The following C5 variants were observed in gnomAD, a reference collection of about 807,000 sequenced individuals.
C5 encodes the protein complement C5.
In C5, 140 loss-of-function variants were observed where a neutral mutation model predicts 218.8. That is an observed-to-expected ratio of 0.64 (90% CI 0.56 to 0.74). C5 has a LOEUF of 0.74. Ranked by LOEUF, C5 falls within the 30% of genes least tolerant of loss-of-function variation. The pLI is 0.00. For synonymous variants in C5, 614 were observed against 682.3 expected, an observed-to-expected ratio of 0.90 and a Z score of 1.56; for missense variants, 1,700 against 1,969.6, an observed-to-expected ratio of 0.86 and a Z score of 2.59.
At chr9:121,006,801 G>T (rs1297254997) in intron 19 of C5, 103 bp downstream of exon 19, 3 of 800,302 alleles carry the variant, frequency 3.7e-6, no homozygotes, top group Non-Finnish European at 6.4e-6. Flanking sequence ...TTTAAAAATT[G>T]CTACCATTTA....
At chr9:120,961,833 G>T (rs2046830014) in intron 36 of C5, among the ~76,000 whole-genome samples, 1 of 152,134 alleles carries the variant, frequency 6.6e-6, no homozygotes, top group African/African-American at 2.4e-5. Context: ...CTAAGTAAGA[G>T]GAAAATAAAT....
At chr9:121,024,572 C>A (rs2047403162) in intron 9 of C5, among the ~76,000 whole-genome samples, 1 of 152,058 alleles carries the variant, frequency 6.6e-6, no homozygotes, top group South Asian at 2.1e-4. Flanking sequence ...AAAGATTAAG[C>A]TTCACCATCT....
the C5 span, among the ~76,000 whole-genome samples, chr9:121,061,078 C>T: frequency 2.0e-5 from 3 of 152,186 alleles, no homozygotes; most frequent in South Asian, 2.1e-4. Flanking sequence ...ATCCTAGCTA[C>T]TCAGGAGGCT....
chr9:121,032,288 A>C (rs1044943131), intron 5 of C5, 93 bp from the exon 6 acceptor site: 132 of 739,262 alleles, frequency 1.8e-4, no homozygotes, highest in Admixed American at 2.3e-4. Context: ...TAAAGAGGGA[A>C]GAATACACAA....
chr9:121,022,858 G>GAA (rs532031512), intron 10 of C5, among the ~76,000 whole-genome samples: 1 of 151,646 alleles, frequency 6.6e-6, no homozygotes, highest in African/African-American at 2.4e-5. Flanking sequence ...AAAAAAGACA[G>GAA]AAAAAAAGAG....
chr9:121,031,995 G>A (rs1046238738), intron 6 of C5, 118 bp downstream of exon 6: 14 of 603,778 alleles, frequency 2.3e-5, no homozygotes, highest in South Asian at 6.1e-5. Context: ...CCCAGGAGGC[G>A]GAGGTTGCAG....
At chr9:120,971,908 T>C in intron 31 of C5, 22 bp downstream of exon 31, 1 of 1,568,076 alleles carries the variant, frequency 6.4e-7, no homozygotes, top group Non-Finnish European at 8.8e-7. Flanking sequence ...AACTCGTTAT[T>C]GGATATCAAT....
chr9:120,989,204 G>T, intron 24 of C5, 83 bp from the exon 25 acceptor site: 2 of 1,103,532 alleles, frequency 1.8e-6, no homozygotes, highest in Non-Finnish European at 2.8e-6. Context: ...CCTGAGAATG[G>T]TAAGCTTCCT....
chr9:121,056,316 A>G, the C5 span, among the ~76,000 whole-genome samples: 3 of 152,228 alleles, frequency 2.0e-5, no homozygotes, highest in African/African-American at 7.2e-5. Flanking sequence ...TCAGACAGGG[A>G]ATTCAAAATA....
At chr9:121,005,845 G>A (rs1241846395) in intron 20 of C5, 74 bp downstream of exon 20, 30 of 1,463,698 alleles carry the variant, frequency 2.0e-5, no homozygotes, top group Non-Finnish European at 2.8e-5. Flanking sequence ...TTTGTGTATG[G>A]TAATTCCACT....
chr9:120,972,834 A>C (rs1209782024), intron 30 of C5, among the ~76,000 whole-genome samples: 1 of 152,216 alleles, frequency 6.6e-6, no homozygotes, highest in Non-Finnish European at 1.5e-5. Context: ...TTCAAATTTT[A>C]GTAAATGTAG....
rs538279403 is a variant in C5 at position 121,007,479 on chromosome 9, TG to T, written c.2349-503del. The stretch of plus-strand genomic sequence containing the variant: ...TGCTCTCAGGCAGTTTACAATCTAG[TG>T]GAAGAAATAGTTAAGTAAATAAATT... On this transcript the variant is annotated intron_variant, in intron 18 of 40. Coordinates refer to ENST00000223642, the MANE Select transcript of C5 (RefSeq NM_001735.3). 7.2e-5 allele frequency among the ~76,000 whole-genome samples: 11 copies of T among 152,294 alleles called. No homozygotes were observed. The South Asian group carries it at 2.1e-3, about 29-fold the overall frequency.
intron 5 of C5, among the ~76,000 whole-genome samples, chr9:121,032,593 G>A (rs2047485768): frequency 6.6e-6 from 1 of 152,118 alleles, no homozygotes; most frequent in Admixed American, 6.5e-5. Flanking sequence ...TACAAGACAA[G>A]CTTATACAGA....
At chr9:120,969,395 T>G (rs1189586597) in intron 32 of C5, among the ~76,000 whole-genome samples, 2 of 151,404 alleles carry the variant, frequency 1.3e-5, no homozygotes, top group African/African-American at 4.9e-5. Flanking sequence ...ATTGGTAATA[T>G]GTTTGGGGGA....
chr9:121,072,297 A>G, the C5 span, among the ~76,000 whole-genome samples: 1 of 152,162 alleles, frequency 6.6e-6, no homozygotes, highest in Non-Finnish European at 1.5e-5. Context: ...TATGATTGAT[A>G]ATGAACTACA....
intron 33 of C5, among the ~76,000 whole-genome samples, chr9:120,965,726 C>T (rs902064593): frequency 2.6e-5 from 4 of 152,030 alleles, no homozygotes; most frequent in African/African-American, 7.2e-5. Flanking sequence ...CGAACATCTC[C>T]CTAATTGGAT....
intron 22 of C5, among the ~76,000 whole-genome samples, chr9:120,993,785 C>T (rs1324906688): frequency 6.6e-6 from 1 of 152,072 alleles, no homozygotes; most frequent in African/African-American, 2.4e-5. Context: ...ATCTATAGCA[C>T]AATGTTACAT....
At chr9:121,051,782 A>C (rs1171569480), upstream of C5, among the ~76,000 whole-genome samples, 3 of 152,212 alleles carry the variant, frequency 2.0e-5, no homozygotes, top group African/African-American at 7.2e-5. Context: ...AACATTTGCC[A>C]CTATTGTCTG....
At chr9:121,064,303 A>C in the C5 span, among the ~76,000 whole-genome samples, 1 of 152,144 alleles carries the variant, frequency 6.6e-6, no homozygotes, top group African/African-American at 2.4e-5. Flanking sequence ...TCCACCTAAC[A>C]GGGTCGTTGT....
Sources: gnomAD v4.1 joint callset for allele counts (sites outside exome capture counted in the v4.1 genomes callset) on GRCh38, gnomAD v4.1.1 for gene constraint, MANE v1.5 for transcripts, NCBI Gene and HGNC (gene_info 2026-07-23, HGNC 2026-07-21) for gene names.